The following ARHGAP6 variants were observed in gnomAD, a reference collection of about 807,000 sequenced individuals.
ARHGAP6 encodes the protein rho GTPase-activating protein 6.
A neutral mutation model predicts 55.7 loss-of-function variants in ARHGAP6; 16 were observed. That is an observed-to-expected ratio of 0.29 (90% confidence interval 0.19 to 0.44). The LOEUF is 0.44. Ranked by LOEUF, ARHGAP6 falls within the 20% of genes least tolerant of loss-of-function variation. ARHGAP6 has a pLI of 1.00. For missense variants in ARHGAP6, 698 were observed against 808.9 expected, an observed-to-expected ratio of 0.86 and a Z score of 1.66; for synonymous variants, 382 against 360.9, an observed-to-expected ratio of 1.06 and a Z score of -0.66.
chrX:11,348,442 G>A (rs888370120), intron 1 of ARHGAP6, among the ~76,000 whole-genome samples: 10 of 111,028 alleles, frequency 9.0e-5, no homozygotes, highest in African/African-American at 3.3e-4. Context: ...GCACTGGGTT[G>A]GGATCAGAAG....
At chrX:11,152,611 T>C (rs950230001) in intron 10 of ARHGAP6, among the ~76,000 whole-genome samples, 2 of 111,827 alleles carry the variant, frequency 1.8e-5, no homozygotes, top group Admixed American at 9.5e-5. Context: ...TCACTGCAAA[T>C]CCTTCCTCTT....
At chrX:11,401,342 G>A (rs992840790) in intron 1 of ARHGAP6, among the ~76,000 whole-genome samples, 1 of 111,641 alleles carries the variant, frequency 9.0e-6, no homozygotes, top group African/African-American at 3.3e-5. Flanking sequence ...TCATAGCATG[G>A]CCAAAGTCAC....
At chrX:11,444,492 G>C (rs2050072503) in intron 1 of ARHGAP6, among the ~76,000 whole-genome samples, 1 of 112,320 alleles carries the variant, frequency 8.9e-6, no homozygotes, top group Non-Finnish European at 1.9e-5. Flanking sequence ...GCAAGTGTTA[G>C]GTTGAGGGCT....
intron 2 of ARHGAP6, among the ~76,000 whole-genome samples, chrX:11,229,946 A>T (rs1163465134): frequency 8.9e-6 from 1 of 112,218 alleles, no homozygotes; most frequent in Admixed American, 9.5e-5. Flanking sequence ...TTTAATTCTT[A>T]AAGCTTGCAT....
intron 1 of ARHGAP6, among the ~76,000 whole-genome samples, chrX:11,430,507 G>T (rs947115018): frequency 8.9e-6 from 1 of 112,166 alleles, no homozygotes; most frequent in African/African-American, 3.2e-5. Context: ...GTCCAATTGT[G>T]TAAGGCTCAA....
At chrX:11,177,212 C>G (rs371081819) in intron 8 of ARHGAP6, among the ~76,000 whole-genome samples, 17 of 110,609 alleles carry the variant, frequency 1.5e-4, no homozygotes, top group African/African-American at 5.3e-4. Flanking sequence ...AAGGGGGTGT[C>G]TCTTGTTAAG....
chrX:11,292,719 A>C (rs1053171508), intron 1 of ARHGAP6, among the ~76,000 whole-genome samples: 2 of 112,121 alleles, frequency 1.8e-5, no homozygotes, highest in Admixed American at 9.4e-5. Flanking sequence ...CTTGCCTTGT[A>C]GTATAGATCA....
At chrX:11,462,910 A>T (rs1272189993) in intron 1 of ARHGAP6, among the ~76,000 whole-genome samples, 1 of 112,733 alleles carries the variant, frequency 8.9e-6, no homozygotes, top group Non-Finnish European at 1.9e-5. Context: ...GGCTTTTAAA[A>T]GGTAGTGGCG....
At chrX:11,425,691 G>C (rs1052578605) in intron 1 of ARHGAP6, among the ~76,000 whole-genome samples, 1 of 112,524 alleles carries the variant, frequency 8.9e-6, no homozygotes, top group Non-Finnish European at 1.9e-5. Context: ...TGACTCTTCA[G>C]TTTATGATTT....
chrX:11,606,790 C>A (rs745755648), intron 1 of ARHGAP6, among the ~76,000 whole-genome samples: 1 of 111,884 alleles, frequency 8.9e-6, no homozygotes, highest in Non-Finnish European at 1.9e-5. Flanking sequence ...ACCACTTTCA[C>A]TTTTGAATGA....
intron 1 of ARHGAP6, among the ~76,000 whole-genome samples, chrX:11,261,877 A>C (rs1297167537): frequency 9.0e-6 from 1 of 111,593 alleles, no homozygotes; most frequent in African/African-American, 3.3e-5. Flanking sequence ...TAAGCACCTT[A>C]TAATGCACAG....
chrX:11,162,159 G>C (rs1459592754), intron 9 of ARHGAP6, among the ~76,000 whole-genome samples: 1 of 110,947 alleles, frequency 9.0e-6, no homozygotes, highest in Admixed American at 9.7e-5. Flanking sequence ...AGGAGCTTCT[G>C]GAAAAGGTTA....
rs1357792217 is a variant in ARHGAP6, at chrX:11,144,042, A to G, written c.2114T>C (p.Leu705Pro). ...CTTTGACGACGACAAGTGGCCCACC[A>G]GCATAAACTGCCCTGGCACTCTGTA... ...KLYRVPGQFMLVGHLSSSKSR... is the reference protein window; with the variant it reads ...KLYRVPGQFMPVGHLSSSKSR... The change falls in exon 11 of 13, where the codon CTG (leucine) becomes CCG (proline). Residue 705 changes from leucine to proline, a missense_variant. Leu to Pro is a moderately conservative substitution (Grantham distance 98). Transcript: ENST00000337414. 1 of 1,209,895 alleles carries G rather than the reference A, an allele frequency of 8.3e-7. No individual in the cohort carries two copies. The highest frequency in any genetic ancestry group is 1.1e-6 in the Non-Finnish European group (1 of 895,225).
At chrX:11,417,103 TATAC>T (rs1371469255) in intron 1 of ARHGAP6, among the ~76,000 whole-genome samples, 15 of 79,839 alleles carry the variant, frequency 1.9e-4, no homozygotes, top group African/African-American at 5.7e-4. Context: ...TATATATATA[TATAC>T]ACATACATAT....
chrX:11,311,797 T>C (rs2048304525), intron 1 of ARHGAP6, among the ~76,000 whole-genome samples: 1 of 111,308 alleles, frequency 9.0e-6, no homozygotes, highest in African/African-American at 3.3e-5. Context: ...TTGTGGGTAA[T>C]AGATGTCAAA....
intron 1 of ARHGAP6, among the ~76,000 whole-genome samples, chrX:11,472,632 T>G (rs1376509691): frequency 1.8e-5 from 2 of 111,767 alleles, no homozygotes; most frequent in South Asian, 7.5e-4. Flanking sequence ...GGTTTATGCT[T>G]GAAAAGATGA....
At chrX:11,477,993 T>A (rs2050420671) in intron 1 of ARHGAP6, among the ~76,000 whole-genome samples, 1 of 112,121 alleles carries the variant, frequency 8.9e-6, no homozygotes, top group Non-Finnish European at 1.9e-5. Flanking sequence ...ATGCTAATCA[T>A]ACTTCAATAA....
intron 2 of ARHGAP6, among the ~76,000 whole-genome samples, chrX:11,207,034 G>T (rs2046713817): frequency 9.0e-6 from 1 of 111,077 alleles, no homozygotes; most frequent in Non-Finnish European, 1.9e-5. Flanking sequence ...CATTTCAGAT[G>T]ATGAAATAAT....
At chrX:11,528,453 G>A (rs2051013697) in intron 1 of ARHGAP6, among the ~76,000 whole-genome samples, 1 of 111,688 alleles carries the variant, frequency 9.0e-6, no homozygotes, top group Non-Finnish European at 1.9e-5. Context: ...ATGCTGTGTA[G>A]ATTCTACCGA....
Sources: gnomAD v4.1 joint callset for allele counts (sites outside exome capture counted in the v4.1 genomes callset) on GRCh38, gnomAD v4.1.1 for gene constraint, MANE v1.5 for transcripts, NCBI Gene and HGNC (gene_info 2026-07-23, HGNC 2026-07-21) for gene names.